Variants in KIF6 observed in about 807,000 individuals in gnomAD.
KIF6 encodes kinesin-like protein KIF6.
In KIF6, 106 loss-of-function variants were observed where a neutral mutation model predicts 112.7. The ratio of observed to expected loss-of-function variants is 0.94; its 90% CI spans 0.80 to 1.11. The LOEUF (loss-of-function observed/expected upper bound fraction) is 1.11. Ranked by LOEUF, KIF6 falls within the 50% of genes least tolerant of loss-of-function variation. The pLI is 0.00. For synonymous variants in KIF6, 339 were observed against 339.9 expected, an observed-to-expected ratio of 1.00 and a Z score of 0.03; for missense variants, 929 against 964.0, an observed-to-expected ratio of 0.96 and a Z score of 0.48.
chr6:39,546,607 C>G (rs111805479), intron 10 of KIF6, among the ~76,000 whole-genome samples: 3,459 of 152,256 alleles, frequency 0.023, 65 homozygotes, highest in Non-Finnish European at 0.033. Context: ...GGGCGGATCA[C>G]TTGAGGTCAG....
intron 13 of KIF6, among the ~76,000 whole-genome samples, chr6:39,460,055 C>T (rs1036272677): frequency 5.4e-4 from 80 of 148,384 alleles, no homozygotes; most frequent in African/African-American, 1.9e-3. Flanking sequence ...AATCATGCTG[C>T]TATAAAGACA....
intron 13 of KIF6, among the ~76,000 whole-genome samples, chr6:39,476,104 A>G (rs1169453500): frequency 1.3e-5 from 2 of 151,996 alleles, no homozygotes; most frequent in Admixed American, 1.3e-4. Context: ...GGGGCTTAAC[A>G]TCTAGGTGAT....
intron 10 of KIF6, among the ~76,000 whole-genome samples, chr6:39,565,164 A>G (rs1227139858): frequency 6.6e-6 from 1 of 152,062 alleles, no homozygotes; most frequent in African/African-American, 2.4e-5. Flanking sequence ...ATTTATTTTC[A>G]TTTTATTTTT....
chr6:39,561,696 C>T (rs1258857891), intron 10 of KIF6, among the ~76,000 whole-genome samples: 1 of 152,218 alleles, frequency 6.6e-6, no homozygotes, highest in East Asian at 1.9e-4. Context: ...GAAACCTTTG[C>T]TTTCCTAACT....
In KIF6 at chr6:39,331,874, T is replaced by C. The variant is rs1281403266; in HGVS notation, c.*4658A>G. ...TGCCTAGATTTGAAACACACACCCA[T>C]TGCATTTTAAAAAATGTTTCTGTCT... On this transcript the variant is annotated 3_prime_UTR_variant, in exon 23 of 23. Coordinates refer to ENST00000287152, the MANE Select transcript of KIF6 (RefSeq NM_145027.6). 6.6e-6 allele frequency: 1 copy of C among 152,170 alleles called. No homozygotes were observed. The highest frequency in any genetic ancestry group is 2.4e-5 in the African/African-American group (1 of 41,442). 9.4% of individuals were successfully genotyped at this position (152,170 alleles called of 1,614,324 possible). A position where few individuals can be genotyped will look rare whatever the true frequency, so the allele number is the denominator to read the frequency against.
At chr6:39,525,846 T>TAAAG (rs1777692146) in intron 13 of KIF6, among the ~76,000 whole-genome samples, 2 of 149,490 alleles carry the variant, frequency 1.3e-5, no homozygotes, top group East Asian at 2.1e-4. Context: ...AATAAATAAA[T>TAAAG]AAAGCCTTTT....
intron 9 of KIF6, among the ~76,000 whole-genome samples, chr6:39,578,700 C>T (rs1177494253): frequency 2.6e-5 from 4 of 152,172 alleles, no homozygotes; most frequent in South Asian, 2.1e-4. Flanking sequence ...ATCCCCCCTC[C>T]GTCCTTCCTG....
At chr6:39,394,639 A>G (rs1768125381) in intron 15 of KIF6, among the ~76,000 whole-genome samples, 1 of 152,202 alleles carries the variant, frequency 6.6e-6, no homozygotes, top group Non-Finnish European at 1.5e-5. Context: ...AGGTCCTTCC[A>G]TGGGTTCCTC....
At chr6:39,419,353 C>CAAAAAAA (rs10682536) in intron 15 of KIF6, among the ~76,000 whole-genome samples, 3 of 73,742 alleles carry the variant, frequency 4.1e-5, no homozygotes, top group Non-Finnish European at 4.8e-5. Context: ...GACTCTGTCT[C>CAAAAAAA]AAAAAAAAAA....
At chr6:39,493,049 G>C (rs1775563145) in intron 13 of KIF6, among the ~76,000 whole-genome samples, 1 of 152,038 alleles carries the variant, frequency 6.6e-6, no homozygotes, top group Non-Finnish European at 1.5e-5. Flanking sequence ...CATGATTCAG[G>C]GTTTTACATT....
intron 13 of KIF6, among the ~76,000 whole-genome samples, chr6:39,450,809 C>A (rs1014836916): frequency 2.0e-5 from 3 of 152,168 alleles, no homozygotes; most frequent in Non-Finnish European, 2.9e-5. Flanking sequence ...TGTTTCAAAA[C>A]ATTAATTAAT....
intron 16 of KIF6, among the ~76,000 whole-genome samples, chr6:39,371,643 T>C (rs1047564331): frequency 6.6e-6 from 1 of 151,528 alleles, no homozygotes; most frequent in African/African-American, 2.4e-5. Flanking sequence ...TGGGGTGCTC[T>C]CCCTTGCAGT....
chr6:39,490,822 G>A (rs374848001), intron 13 of KIF6, among the ~76,000 whole-genome samples: 1 of 152,072 alleles, frequency 6.6e-6, no homozygotes, highest in East Asian at 1.9e-4. Flanking sequence ...TTCTGACAAT[G>A]TTCAAAAAAA....
Position 39,346,128 on chromosome 6 carries a change from TCTCC to T in KIF6, c.2232-343_2232-340del, listed in dbSNP as rs1212119944. On this transcript the variant is annotated intron_variant, in intron 20 of 22. Transcript: ENST00000287152. ...CCCCCTCCCTCTCCCTCTCCCTCCC[TCTCC>T]CTCTCTCTCTCTCTCTCTCTCTCTC... Among the ~76,000 whole-genome samples the T allele has an allele frequency of 7.5e-5, 6 of 79,938 alleles. 1 individual carries two copies. Among genetic ancestry groups the T allele is most frequent in the South Asian group, 1.0e-3 (2 of 1,928 alleles). The allele number at this position is 79,938 out of a possible 152,430, so 52.4% of individuals were successfully genotyped here. A position where few individuals can be genotyped will look rare whatever the true frequency, so the allele number is the denominator to read the frequency against.
intron 5 of KIF6, among the ~76,000 whole-genome samples, chr6:39,620,620 C>T (rs767279470): frequency 1.4e-4 from 21 of 152,118 alleles, no homozygotes; most frequent in Non-Finnish European, 2.5e-4. Context: ...ACCAAGAAAG[C>T]AGAGCCTCAT....
rs561420897 is a variant in KIF6 at position 39,336,267 on chromosome 6, C to G, written c.*265G>C. ...ACAGTGAGCTGAAGCCTTCACCCTG[C>G]CCCTAGCACTCTGGCCTTGCCTGGC... is the stretch of plus-strand genomic sequence containing the variant. On this transcript the variant is annotated 3_prime_UTR_variant, in exon 23 of 23. Transcript: ENST00000287152. 2.0e-6 allele frequency: 1 copy of G among 508,048 alleles called. No individual in the cohort carries two copies. The highest frequency in any genetic ancestry group is 3.5e-5 in the Admixed American group (1 of 28,534). The allele number at this position is 508,048 out of a possible 1,614,324, so 31.5% of individuals were successfully genotyped here.
At chr6:39,698,615 C>G (rs1391546064) in intron 3 of KIF6, among the ~76,000 whole-genome samples, 34 of 152,104 alleles carry the variant, frequency 2.2e-4, no homozygotes, top group Admixed American at 2.1e-3. Context: ...ACAGACACTC[C>G]CAAGTGAAAA....
rs181931204 is a variant in KIF6, at chr6:39,378,005, C to T, written c.1861+7617G>A. On this transcript the variant is annotated intron_variant, in intron 16 of 22. Transcript: ENST00000287152. This position sits in a 1 kb window ranked among gnomAD's most constrained non-coding sequence, Gnocchi z 5.0. ...CAGCCATCCTTTGGAACTTGTTGAT[C>T]TTAAGTTTAAGATATTTTCTTTTTT... Among the ~76,000 whole-genome samples, 304 of 152,246 alleles carry T rather than the reference C, an allele frequency of 2.0e-3. 2 individuals carry two copies. Among genetic ancestry groups the T allele is most frequent in the African/African-American group, 6.6e-3 (273 of 41,544 alleles).
intron 3 of KIF6, among the ~76,000 whole-genome samples, chr6:39,656,950 G>C (rs1407357409): frequency 6.6e-6 from 1 of 152,036 alleles, no homozygotes; most frequent in African/African-American, 2.4e-5. Context: ...GTGTTCTTTG[G>C]CCGGGCATGG....
Sources: allele counts gnomAD v4.1 joint callset (sites outside exome capture counted in the v4.1 genomes callset), GRCh38; gene constraint gnomAD v4.1.1; non-coding constraint Gnocchi (gnomAD v3.1); transcripts MANE v1.5; gene names NCBI Gene and HGNC (gene_info 2026-07-23, HGNC 2026-07-21).